Variants in MAGI2 observed in about 807,000 individuals in gnomAD.
The protein encoded by MAGI2 is membrane-associated guanylate kinase, WW and PDZ domain-containing protein 2.
MAGI2 carries 35 observed loss-of-function variants against 133.3 expected under a neutral mutation model. The ratio of observed to expected loss-of-function variants is 0.26; its 90% CI spans 0.20 to 0.35. The LOEUF is 0.35. Ranked by LOEUF, MAGI2 falls within the 10% of genes least tolerant of loss-of-function variation. The pLI is 1.00. For synonymous variants in MAGI2, 729 were observed against 710.6 expected, an observed-to-expected ratio of 1.03 and a Z score of -0.41; for missense variants, 1,636 against 1,863.4, an observed-to-expected ratio of 0.88 and a Z score of 2.25.
intron 2 of MAGI2, among the ~76,000 whole-genome samples, chr7:78,989,280 C>CTAATAAAA (rs1185984870): frequency 8.6e-5 from 13 of 151,998 alleles, no homozygotes; most frequent in Non-Finnish European, 1.8e-4. Flanking sequence ...ATTAACCACC[C>CTAATAAAA]GTCATACTTT....
intron 7 of MAGI2, among the ~76,000 whole-genome samples, chr7:78,356,683 G>A (rs117121870): frequency 0.046 from 7,004 of 152,262 alleles, 251 homozygotes; most frequent in Middle Eastern, 0.065. Flanking sequence ...AACCTTGAGC[G>A]CTGGTGGGAA....
At chr7:79,432,529 G>A (rs1427049345) in intron 1 of MAGI2, among the ~76,000 whole-genome samples, 1 of 152,220 alleles carries the variant, frequency 6.6e-6, no homozygotes. Flanking sequence ...TAATATTTGG[G>A]AAAGAAGTGA....
intron 1 of MAGI2, among the ~76,000 whole-genome samples, chr7:79,264,874 A>C (rs112494337): frequency 1.9e-3 from 285 of 152,060 alleles, no homozygotes; most frequent in African/African-American, 6.3e-3. Context: ...AGAGAGAGAG[A>C]GAGAGAGCGC....
At chr7:79,185,428 C>T (rs1203050651) in intron 1 of MAGI2, among the ~76,000 whole-genome samples, 1 of 151,630 alleles carries the variant, frequency 6.6e-6, no homozygotes, top group African/African-American at 2.4e-5. Context: ...TCATCAACAA[C>T]AGTTGCCAAA....
intron 1 of MAGI2, among the ~76,000 whole-genome samples, chr7:79,020,663 G>C (rs1809227819): frequency 6.6e-6 from 1 of 151,840 alleles, no homozygotes; most frequent in African/African-American, 2.4e-5. Flanking sequence ...CTACTGGGGA[G>C]ACTGAGGCAG....
chr7:78,280,128 C>T (rs755714108), intron 9 of MAGI2, among the ~76,000 whole-genome samples: 2 of 152,090 alleles, frequency 1.3e-5, no homozygotes, highest in African/African-American at 2.4e-5. Flanking sequence ...AGGTAAGCAG[C>T]GCTCAGCATA....
chr7:79,234,673 G>A (rs1008816214), intron 1 of MAGI2, among the ~76,000 whole-genome samples: 1 of 146,978 alleles, frequency 6.8e-6, no homozygotes, highest in Non-Finnish European at 1.5e-5. Flanking sequence ...CTCTGTATTG[G>A]TTATTCTAGT....
chr7:78,766,722 T>C (rs1390015068), intron 2 of MAGI2, among the ~76,000 whole-genome samples: 2 of 152,214 alleles, frequency 1.3e-5, no homozygotes, highest in Non-Finnish European at 2.9e-5. Flanking sequence ...ATCATCACAC[T>C]TATTGAATTT....
intron 6 of MAGI2, among the ~76,000 whole-genome samples, chr7:78,465,096 G>A (rs1224727345): frequency 6.6e-6 from 1 of 151,918 alleles, no homozygotes; most frequent in Non-Finnish European, 1.5e-5. Context: ...TAATTTATCA[G>A]GCAAAAAAAC....
chr7:79,002,169 T>C (rs1291580145), intron 2 of MAGI2, among the ~76,000 whole-genome samples: 2 of 150,410 alleles, frequency 1.3e-5, no homozygotes, highest in East Asian at 3.9e-4. Flanking sequence ...TCTCACTCTG[T>C]CACCCAGGCT....
At chr7:78,706,784 C>CATA (rs1818693717) in intron 2 of MAGI2, among the ~76,000 whole-genome samples, 1 of 152,056 alleles carries the variant, frequency 6.6e-6, no homozygotes, top group Non-Finnish European at 1.5e-5. Flanking sequence ...TGAAACAATG[C>CATA]ATAGGACTGT....
intron 1 of MAGI2, among the ~76,000 whole-genome samples, chr7:79,290,151 G>C (rs1054176000): frequency 6.6e-6 from 1 of 151,924 alleles, no homozygotes; most frequent in Non-Finnish European, 1.5e-5. Context: ...AATGTGTTTA[G>C]TGACTTCTAA....
intron 2 of MAGI2, among the ~76,000 whole-genome samples, chr7:78,909,444 A>G (rs1489472718): frequency 7.0e-6 from 1 of 142,118 alleles, no homozygotes; most frequent in Non-Finnish European, 1.5e-5. Flanking sequence ...AAAAAAAAAA[A>G]CAAAAAAAAT....
chr7:79,027,384 G>A (rs867464210), intron 1 of MAGI2, among the ~76,000 whole-genome samples: 13 of 151,312 alleles, frequency 8.6e-5, no homozygotes, highest in Admixed American at 2.6e-4. Flanking sequence ...TAGAAAGAAG[G>A]AACTTCTGTC....
At chr7:78,628,365 A>G (rs1808599363) in intron 2 of MAGI2, among the ~76,000 whole-genome samples, 1 of 152,158 alleles carries the variant, frequency 6.6e-6, no homozygotes, top group Non-Finnish European at 1.5e-5. Context: ...CATATTGTCT[A>G]TATGCTAAAA....
At chr7:79,416,719 C>CTTTTTTTTTTTTTTTTTT (rs1169090958) in intron 1 of MAGI2, among the ~76,000 whole-genome samples, 1 of 99,270 alleles carries the variant, frequency 1.0e-5, no homozygotes, top group African/African-American at 4.5e-5. Context: ...CTTTTCTTTT[C>CTTTTTTTTTTTTTTTTTT]TTTTTCTTTT....
At chr7:78,869,564 C>A (rs1794857495) in intron 2 of MAGI2, among the ~76,000 whole-genome samples, 1 of 152,174 alleles carries the variant, frequency 6.6e-6, no homozygotes, top group African/African-American at 2.4e-5. Flanking sequence ...TTAATTGACT[C>A]ACACTTCTGC....
intron 2 of MAGI2, among the ~76,000 whole-genome samples, chr7:78,714,104 A>G (rs1165201279): frequency 6.6e-6 from 1 of 151,676 alleles, no homozygotes; most frequent in African/African-American, 2.4e-5. Context: ...GGAAGAGAAT[A>G]TACTTGTGTA....
intron 21 of MAGI2, among the ~76,000 whole-genome samples, chr7:78,030,022 T>G (rs1809400274): frequency 6.6e-6 from 1 of 152,142 alleles, no homozygotes. Flanking sequence ...CTACTTGTCT[T>G]TAGGAAGCAA....
Sources: allele counts gnomAD v4.1 joint callset (sites outside exome capture counted in the v4.1 genomes callset), GRCh38; gene constraint gnomAD v4.1.1; transcripts MANE v1.5; gene names NCBI Gene and HGNC (gene_info 2026-07-23, HGNC 2026-07-21).